The following NKAIN3 variants were observed in gnomAD, a reference collection of about 807,000 sequenced individuals.
NKAIN3 encodes the protein sodium/potassium-transporting ATPase subunit beta-1-interacting protein 3.
Under a neutral mutation model 30.2 loss-of-function variants are expected in NKAIN3, and 25 were observed. That is an observed-to-expected ratio of 0.83 (90% confidence interval 0.60 to 1.16). The LOEUF (loss-of-function observed/expected upper bound fraction) is 1.16. NKAIN3 is among the 50% of genes most tolerant of loss of function. The pLI, the probability that NKAIN3 is intolerant of heterozygous loss-of-function variation, is 0.00. For missense variants in NKAIN3, 225 were observed against 254.1 expected, an observed-to-expected ratio of 0.89 and a Z score of 0.78; for synonymous variants, 91 against 89.6, an observed-to-expected ratio of 1.02 and a Z score of -0.09.
At chr8:62,512,560 C>A (rs1207317119) in intron 1 of NKAIN3, among the ~76,000 whole-genome samples, 1 of 152,050 alleles carries the variant, frequency 6.6e-6, no homozygotes, top group South Asian at 2.1e-4. Flanking sequence ...TTTTTCAATT[C>A]TCCCAGCTGC....
At chr8:62,631,980 T>C (rs2130267689) in intron 3 of NKAIN3, among the ~76,000 whole-genome samples, 1 of 152,276 alleles carries the variant, frequency 6.6e-6, no homozygotes, top group South Asian at 2.1e-4. Context: ...ATACATATAT[T>C]AAAATTATAA....
At chr8:62,577,005 T>C (rs1417837883) in intron 1 of NKAIN3, among the ~76,000 whole-genome samples, 2 of 152,154 alleles carry the variant, frequency 1.3e-5, no homozygotes, top group Non-Finnish European at 2.9e-5. Flanking sequence ...GGAAGTTAGA[T>C]AGAATAATTA....
intron 4 of NKAIN3, among the ~76,000 whole-genome samples, chr8:62,846,113 G>C (rs2079296642): frequency 6.6e-6 from 1 of 151,766 alleles, no homozygotes; most frequent in Admixed American, 6.6e-5. Context: ...CTATCAGAGA[G>C]GAATAAAGAT....
chr8:62,990,454 C>T, intron 5 of NKAIN3: 1 of 802,644 alleles, frequency 1.2e-6, no homozygotes. Flanking sequence ...CTAAAGATTG[C>T]CATTGCTTTG....
intron 3 of NKAIN3, among the ~76,000 whole-genome samples, chr8:62,655,917 C>A (rs1396804046): frequency 2.0e-5 from 3 of 151,986 alleles, no homozygotes; most frequent in Non-Finnish European, 4.4e-5. Context: ...AGTTACTAAC[C>A]CTGAAATACT....
intron 1 of NKAIN3, among the ~76,000 whole-genome samples, chr8:62,432,782 G>C (rs1365596386): frequency 1.3e-5 from 2 of 152,096 alleles, no homozygotes; most frequent in East Asian, 3.9e-4. Context: ...ACAGGAGACT[G>C]TTTTTTCCCT....
At chr8:62,908,412 C>T (rs1483536034) in intron 4 of NKAIN3, among the ~76,000 whole-genome samples, 4 of 152,054 alleles carry the variant, frequency 2.6e-5, no homozygotes, top group Non-Finnish European at 5.9e-5. Context: ...AGGCATGATT[C>T]ATTTTGAAAT....
In NKAIN3 at chr8:62,982,705, G is replaced by C. The variant is rs1486690006; in HGVS notation, c.*17298G>C. The C allele has an allele frequency of 6.6e-6, 1 of 152,104 alleles. No homozygotes were observed. Among genetic ancestry groups the C allele is most frequent in the East Asian group, 1.9e-4 (1 of 5,182 alleles). 9.4% of individuals were successfully genotyped at this position (152,104 alleles called of 1,614,324 possible). On this transcript the variant is annotated 3_prime_UTR_variant, in exon 7 of 7. Transcript: ENST00000623646. ...AGCTGTTGCCAAATTGTCTCTTCTA[G>C]AAGAATGCCCAGATTTTTTTTCAGT...
intron 3 of NKAIN3, among the ~76,000 whole-genome samples, chr8:62,677,652 T>C (rs1277174365): frequency 6.6e-6 from 1 of 152,146 alleles, no homozygotes; most frequent in African/African-American, 2.4e-5. Flanking sequence ...GGGTAACTCA[T>C]AAAAGGAAGG....
At chr8:62,506,464 T>TTTTC (rs142208754) in intron 1 of NKAIN3, among the ~76,000 whole-genome samples, 8 of 121,084 alleles carry the variant, frequency 6.6e-5, no homozygotes, top group Admixed American at 5.8e-4. Context: ...GCTTTTTCTT[T>TTTTC]TTTCTTTCTT....
At chr8:62,303,709 C>A (rs1204144393) in intron 1 of NKAIN3, among the ~76,000 whole-genome samples, 2 of 150,344 alleles carry the variant, frequency 1.3e-5, no homozygotes, top group African/African-American at 2.5e-5. Flanking sequence ...ACTTCAAATT[C>A]CAAGTCAAAT....
At chr8:62,709,158 T>C (rs77468706) in intron 3 of NKAIN3, among the ~76,000 whole-genome samples, 44 of 152,162 alleles carry the variant, frequency 2.9e-4, no homozygotes, top group East Asian at 7.7e-4. Flanking sequence ...ATCATGTTCA[T>C]CAAGGATATC....
chr8:62,659,153 G>A (rs936341233), intron 3 of NKAIN3, among the ~76,000 whole-genome samples: 3 of 152,186 alleles, frequency 2.0e-5, no homozygotes, highest in Non-Finnish European at 2.9e-5. Context: ...TACCACAGTC[G>A]AGAGGTAACT....
At chr8:62,800,680 G>C (rs1290528677) in intron 4 of NKAIN3, among the ~76,000 whole-genome samples, 2 of 152,114 alleles carry the variant, frequency 1.3e-5, no homozygotes, top group Non-Finnish European at 2.9e-5. Context: ...AGCTCCCAGC[G>C]TGAGTGACGC....
chr8:62,812,118 T>C (rs561711315), intron 4 of NKAIN3, among the ~76,000 whole-genome samples: 2 of 152,090 alleles, frequency 1.3e-5, no homozygotes, highest in African/African-American at 4.8e-5. Flanking sequence ...GAATTGCTTG[T>C]GCACCTTTGT....
chr8:62,614,738 T>C (rs1811396433), intron 3 of NKAIN3, among the ~76,000 whole-genome samples: 4 of 152,080 alleles, frequency 2.6e-5, no homozygotes, highest in African/African-American at 7.2e-5. Context: ...TTCCCACTCT[T>C]CTCTCCCCTT....
At chr8:62,551,407 T>C (rs1273864877) in intron 1 of NKAIN3, among the ~76,000 whole-genome samples, 1 of 152,138 alleles carries the variant, frequency 6.6e-6, no homozygotes, top group South Asian at 2.1e-4. Flanking sequence ...CAATTGAACA[T>C]GATGAGGAGG....
chr8:62,670,127 C>T (rs1813254599), intron 3 of NKAIN3, among the ~76,000 whole-genome samples: 1 of 152,104 alleles, frequency 6.6e-6, no homozygotes, highest in Non-Finnish European at 1.5e-5. Flanking sequence ...CGAGAAGAGA[C>T]ATAGAGAATG....
intron 3 of NKAIN3, among the ~76,000 whole-genome samples, chr8:62,629,988 A>G (rs1420269258): frequency 2.0e-5 from 3 of 152,142 alleles, no homozygotes; most frequent in South Asian, 4.1e-4. Context: ...GTTGTCTGAA[A>G]ACAGCTGAGT....
Sources: allele counts gnomAD v4.1 joint callset (sites outside exome capture counted in the v4.1 genomes callset), GRCh38; gene constraint gnomAD v4.1.1; transcripts MANE v1.5; gene names NCBI Gene and HGNC (gene_info 2026-07-23, HGNC 2026-07-21).